Variants in RSRC1 observed in about 807,000 individuals in gnomAD.
RSRC1 encodes the protein arginine and serine rich coiled-coil 1, also known as serine/Arginine-related protein 53.
RSRC1 carries 39 observed loss-of-function variants against 49.1 expected under a neutral mutation model. That is an observed-to-expected ratio of 0.79 (90% confidence interval 0.61 to 1.04). The LOEUF is 1.04. Ranked by LOEUF, RSRC1 falls within the 50% of genes least tolerant of loss-of-function variation. The pLI is 0.00. For missense variants in RSRC1, 388 were observed against 402.4 expected (o/e 0.96, Z 0.31); for synonymous variants, 143 against 130.8 (o/e 1.09, Z -0.63).
chr3:158,438,707 A>G (rs1176085860), intron 6 of RSRC1, among the ~76,000 whole-genome samples: 1 of 152,222 alleles, frequency 6.6e-6, no homozygotes, highest in Non-Finnish European at 1.5e-5. Context: ...ACCTAAAACC[A>G]TAAAAACCCT....
At position 158,197,083 on chromosome 3, in the gene RSRC1, C is replaced by T. The variant is rs533517105; in HGVS notation, c.321-5989C>T. On this transcript the variant is annotated intron_variant, in intron 3 of 9. Coordinates refer to ENST00000611884, the MANE Select transcript of RSRC1 (RefSeq NM_001271838.2). The stretch of plus-strand genomic sequence containing the variant: ...ATAGTTTCAGAAGGAATGGTATCAG[C>T]TCCTCCTTGTACCTCTGGTAGAATT... Among the ~76,000 whole-genome samples, 10 of 152,234 alleles carry T rather than the reference C, an allele frequency of 6.6e-5. No homozygotes were observed. The South Asian group carries it at 1.0e-3, about 16-fold the overall frequency.
chr3:158,273,878 C>T (rs1045465645), intron 4 of RSRC1, among the ~76,000 whole-genome samples: 4 of 152,130 alleles, frequency 2.6e-5, no homozygotes. Flanking sequence ...CTCAGGCTCT[C>T]TTTCTCATCG....
intron 3 of RSRC1, among the ~76,000 whole-genome samples, chr3:158,124,734 A>C (rs1281592762): frequency 6.6e-6 from 1 of 151,034 alleles, no homozygotes; most frequent in African/African-American, 2.4e-5. Context: ...AATCCTTTCA[A>C]TGTTTGTGGC....
At chr3:158,270,083 A>T (rs898529573) in intron 4 of RSRC1, among the ~76,000 whole-genome samples, 1 of 151,968 alleles carries the variant, frequency 6.6e-6, no homozygotes, top group Non-Finnish European at 1.5e-5. Context: ...GATTCAAGAC[A>T]CCAGGTTGCT....
chr3:158,155,786 C>T lies in RSRC1; in HGVS notation c.320+31795C>T, dbSNP rs565539268. 5.3e-5 allele frequency among the ~76,000 whole-genome samples: 8 copies of T among 152,166 alleles called. No homozygotes were observed. The South Asian group carries it at 1.7e-3, about 32-fold the overall frequency. ...ATTTTTTCTGAGCAGTAGGTCTCAACAGTGAGCTTAAAACATTCAGCAAAC... is the reference window on the plus strand; with the variant it reads ...ATTTTTTCTGAGCAGTAGGTCTCAATAGTGAGCTTAAAACATTCAGCAAAC... On this transcript the variant is annotated intron_variant, in intron 3 of 9. Coordinates refer to ENST00000611884, the MANE Select transcript of RSRC1 (RefSeq NM_001271838.2).
At chr3:158,372,444 A>G (rs1404204977) in intron 6 of RSRC1, among the ~76,000 whole-genome samples, 1 of 151,924 alleles carries the variant, frequency 6.6e-6, no homozygotes, top group Non-Finnish European at 1.5e-5. Context: ...ACCTTTGCAA[A>G]GTATCAGTTC....
At chr3:158,335,099 T>G (rs2108203326) in intron 5 of RSRC1, among the ~76,000 whole-genome samples, 1 of 152,248 alleles carries the variant, frequency 6.6e-6, no homozygotes, top group Middle Eastern at 3.4e-3. Flanking sequence ...GCTCCAAAGC[T>G]AGGACTAGGA....
chr3:158,393,633 G>A (rs1193123462), intron 6 of RSRC1, among the ~76,000 whole-genome samples: 1 of 151,810 alleles, frequency 6.6e-6, no homozygotes, highest in Non-Finnish European at 1.5e-5. Context: ...GAATCTCTGA[G>A]CAGACAAGTA....
At chr3:158,327,932 C>T (rs1335239772) in intron 5 of RSRC1, among the ~76,000 whole-genome samples, 131 of 152,116 alleles carry the variant, frequency 8.6e-4, no homozygotes, top group African/African-American at 3.0e-3. Flanking sequence ...TGGGTGCATA[C>T]ATATTTAGGA....
chr3:158,374,434 A>C (rs73170352), intron 6 of RSRC1, among the ~76,000 whole-genome samples: 33,400 of 152,010 alleles, frequency 0.22, 4,262 homozygotes, highest in Non-Finnish European at 0.29. Flanking sequence ...CTCACCTCCC[A>C]TTCATAAATT....
chr3:158,337,768 C>T (rs910070415), intron 5 of RSRC1, among the ~76,000 whole-genome samples: 1 of 152,168 alleles, frequency 6.6e-6, no homozygotes, highest in African/African-American at 2.4e-5. Context: ...TATCGATTCT[C>T]CTAGCTAAAC....
Position 158,522,807 on chromosome 3 carries a change from A to G in RSRC1, c.653-14285A>G, listed in dbSNP as rs145129168. On this transcript the variant is annotated intron_variant, in intron 7 of 9. Transcript: ENST00000611884. Reference sequence around the variant, plus strand: ...ATATATGCTCACCCTAAGTTCTTTAAAGTCCCTGAAAAGTTGCCTTCTCTA... The same window carrying G: ...ATATATGCTCACCCTAAGTTCTTTAGAGTCCCTGAAAAGTTGCCTTCTCTA... Among the ~76,000 whole-genome samples, 37 of 152,150 alleles carry G rather than the reference A, an allele frequency of 2.4e-4. No individual in the cohort carries two copies. The East Asian group carries it at 4.1e-3, about 17-fold the overall frequency.
intron 4 of RSRC1, among the ~76,000 whole-genome samples, chr3:158,281,328 C>CTT (rs151165233): frequency 9.2e-5 from 13 of 141,002 alleles, no homozygotes; most frequent in Admixed American, 2.8e-4. Flanking sequence ...TGAGCATAAG[C>CTT]TTTTTTTTTT....
chr3:158,284,012 G>T (rs1726343653), intron 4 of RSRC1, among the ~76,000 whole-genome samples: 1 of 151,412 alleles, frequency 6.6e-6, no homozygotes, highest in Non-Finnish European at 1.5e-5. Flanking sequence ...TTTAGCATTA[G>T]GTATATCTCC....
chr3:158,486,346 C>A (rs1738819995), intron 7 of RSRC1, among the ~76,000 whole-genome samples: 1 of 152,112 alleles, frequency 6.6e-6, no homozygotes, highest in Non-Finnish European at 1.5e-5. Flanking sequence ...CATTCACATC[C>A]TTCTGTTGGC....
At chr3:158,437,911 A>G (rs1736140552) in intron 6 of RSRC1, among the ~76,000 whole-genome samples, 1 of 152,206 alleles carries the variant, frequency 6.6e-6, no homozygotes, top group South Asian at 2.1e-4. Context: ...CTGTATATTT[A>G]GAAAACTCCA....
At chr3:158,528,949 G>A (rs1712211784) in intron 7 of RSRC1, among the ~76,000 whole-genome samples, 2 of 151,682 alleles carry the variant, frequency 1.3e-5, no homozygotes, top group Admixed American at 1.3e-4. Context: ...AACAATTGCT[G>A]AACAGTAAAT....
At chr3:158,510,408 T>A (rs980477767) in intron 7 of RSRC1, among the ~76,000 whole-genome samples, 4 of 152,218 alleles carry the variant, frequency 2.6e-5, no homozygotes, top group African/African-American at 9.6e-5. Flanking sequence ...TTTTATATTT[T>A]TTATGTCCTG....
At chr3:158,433,131 CTA>C (rs1735867302) in intron 6 of RSRC1, among the ~76,000 whole-genome samples, 1 of 151,858 alleles carries the variant, frequency 6.6e-6, no homozygotes, top group South Asian at 2.1e-4. Context: ...CAAGAACATA[CTA>C]TATAACATCA....
Sources: gnomAD v4.1 joint callset for allele counts (sites outside exome capture counted in the v4.1 genomes callset) on GRCh38, gnomAD v4.1.1 for gene constraint, MANE v1.5 for transcripts, NCBI Gene and HGNC (gene_info 2026-07-23, HGNC 2026-07-21) for gene names.